The following ANKRD11 variants were observed in gnomAD, a reference collection of about 807,000 sequenced individuals.
ANKRD11 encodes ankyrin repeat domain-containing protein 11.
A neutral mutation model predicts 195.7 loss-of-function variants in ANKRD11; 17 were observed. That is an observed-to-expected ratio of 0.09 (90% CI 0.06 to 0.13). The LOEUF is 0.13. Ranked by LOEUF, ANKRD11 falls within the 10% of genes least tolerant of loss-of-function variation. ANKRD11 has a pLI of 1.00. For synonymous variants in ANKRD11, 1,953 were observed against 1,528.1 expected, an observed-to-expected ratio of 1.28 and a Z score of -6.49; for missense variants, 3,735 against 3,566.1, an observed-to-expected ratio of 1.05 and a Z score of -1.21.
intron 7 of ANKRD11, chr16:89,288,203 G>C (rs1471866204): frequency 3.3e-6 from 2 of 610,656 alleles, no homozygotes; most frequent in Non-Finnish European, 5.8e-6. Flanking sequence ...GTGGTGACGG[G>C]GACCGGCAGC....
chr16:89,335,954 G>T (rs898860294), intron 2 of ANKRD11, among the ~76,000 whole-genome samples: 2 of 152,228 alleles, frequency 1.3e-5, no homozygotes, highest in Admixed American at 6.5e-5. Context: ...ACATGACCGT[G>T]CAACATGCTT....
In ANKRD11 at chr16:89,285,510, C is replaced by T; in HGVS notation, c.1032G>A (p.Lys344=). 6.2e-7 allele frequency: 1 copy of T among 1,614,126 alleles called. No individual in the cohort carries two copies. The highest frequency in any genetic ancestry group is 8.5e-7 in the Non-Finnish European group (1 of 1,179,990). ...CGTCCTCATCAAACTCATACTCGTC[C>T]TTGACGGGGGCCGTGGCCTTCTGTG... ...PEPQKATAPV[K]DEYEFDEDDE... Residue 344 remains lysine, a synonymous_variant, in exon 9 of 13, where the codon AAG becomes AAA. Coordinates refer to ENST00000301030, the MANE Select transcript of ANKRD11 (RefSeq NM_013275.6). This position sits in a 1 kb window ranked among gnomAD's most constrained non-coding sequence, Gnocchi z 5.6.
Position 89,305,187 on chromosome 16 carries a change from A to AG in ANKRD11, c.226+18dup. The AG allele has an allele frequency of 6.2e-7, 1 of 1,608,878 alleles. No homozygotes were observed. The highest frequency in any genetic ancestry group is 1.3e-5 in the African/African-American group (1 of 74,950). ...CTGCCTGTGGAGGGCTGACTGCAGGAGGGGCCGCGGGCTGGTACCTGTGTC... is the reference window on the plus strand; with the variant it reads ...CTGCCTGTGGAGGGCTGACTGCAGGAGGGGGCCGCGGGCTGGTACCTGTGTC... On this transcript the variant is annotated intron_variant, in intron 4 of 12. Coordinates refer to ENST00000301030, the MANE Select transcript of ANKRD11 (RefSeq NM_013275.6).
At chr16:89,359,680 C>T (rs2039644350) in intron 2 of ANKRD11, among the ~76,000 whole-genome samples, 1 of 152,222 alleles carries the variant, frequency 6.6e-6, no homozygotes, top group African/African-American at 2.4e-5. Flanking sequence ...CCTCTCCACA[C>T]TGAAGCAGGA....
chr16:89,274,586 C>A, intron 11 of ANKRD11: 1 of 634,328 alleles, frequency 1.6e-6, no homozygotes, highest in African/African-American at 1.8e-5. Flanking sequence ...AGCCCAGTGG[C>A]CTGAGGGCCT....
At chr16:89,481,839 G>A (rs540292079) in intron 1 of ANKRD11, among the ~76,000 whole-genome samples, 2 of 151,780 alleles carry the variant, frequency 1.3e-5, no homozygotes, top group African/African-American at 2.4e-5. Context: ...CAGCCTTCCC[G>A]AAGTCGAAGA....
chr16:89,396,763 T>C (rs1433744822), intron 2 of ANKRD11, among the ~76,000 whole-genome samples: 1 of 152,232 alleles, frequency 6.6e-6, no homozygotes, highest in Non-Finnish European at 1.5e-5. Context: ...CTTGGCTCAC[T>C]GCAACCTCCG....
At chr16:89,366,918 G>A (rs2152070695) in intron 2 of ANKRD11, among the ~76,000 whole-genome samples, 1 of 152,322 alleles carries the variant, frequency 6.6e-6, no homozygotes, top group South Asian at 2.1e-4. Flanking sequence ...TTAAGAATGT[G>A]AAGACCATCC....
intron 1 of ANKRD11, among the ~76,000 whole-genome samples, chr16:89,430,547 T>A (rs2042934025): frequency 6.6e-6 from 1 of 151,966 alleles, no homozygotes; most frequent in African/African-American, 2.4e-5. Flanking sequence ...GACGTTCTAG[T>A]ACACAGCAGG....
rs1597439854 is a variant in ANKRD11, at chr16:89,447,896, CCAGGTT to C, written c.-144-29534_-144-29529del. Among the ~76,000 whole-genome samples the C allele has an allele frequency of 2.0e-5, 3 of 151,768 alleles. No homozygotes were observed. The East Asian group carries it at 5.8e-4, about 29-fold the overall frequency. On this transcript the variant is annotated intron_variant, in intron 1 of 12. Transcript: ENST00000301030. ...CTCAGCTCACTGCAACCTCCACTTC[CCAGGTT>C]CAAGCAATTGTCCTGTCTCAGCCTC...
intron 2 of ANKRD11, among the ~76,000 whole-genome samples, chr16:89,417,154 G>C (rs1597342714): frequency 6.6e-6 from 1 of 152,178 alleles, no homozygotes; most frequent in Non-Finnish European, 1.5e-5. Flanking sequence ...TCATATGAAA[G>C]AAAGCAGTCA....
intron 3 of ANKRD11, among the ~76,000 whole-genome samples, chr16:89,307,181 G>A (rs555650028): frequency 6.6e-6 from 1 of 152,310 alleles, no homozygotes; most frequent in South Asian, 2.1e-4. Flanking sequence ...GGCAAATACC[G>A]TGCAGTGGTC....
intron 2 of ANKRD11, among the ~76,000 whole-genome samples, chr16:89,345,310 G>A (rs1276037717): frequency 8.0e-6 from 1 of 124,838 alleles, no homozygotes; most frequent in East Asian, 2.6e-4. Flanking sequence ...CGGATGGAAA[G>A]CACTCGACCC....
At chr16:89,468,575 C>T (rs536818093) in intron 1 of ANKRD11, among the ~76,000 whole-genome samples, 8 of 152,226 alleles carry the variant, frequency 5.3e-5, no homozygotes, top group African/African-American at 1.7e-4. Flanking sequence ...CGCGGTGGCA[C>T]AGGCCTGTAA....
At chr16:89,278,608 C>G (rs570126494) in intron 9 of ANKRD11, 1 of 458,454 alleles carries the variant, frequency 2.2e-6, no homozygotes, top group Non-Finnish European at 4.4e-6. Flanking sequence ...GTCCCAGAAG[C>G]CCAAGGGAGG....
chr16:89,304,150 G>A (rs192171703), intron 4 of ANKRD11, among the ~76,000 whole-genome samples: 63 of 152,342 alleles, frequency 4.1e-4, no homozygotes, highest in Admixed American at 2.0e-3. Context: ...AGCACGGCCA[G>A]CGCAGAGGCC....
At chr16:89,374,076 G>A (rs979550879) in intron 2 of ANKRD11, among the ~76,000 whole-genome samples, 5 of 152,200 alleles carry the variant, frequency 3.3e-5, no homozygotes, top group Admixed American at 2.0e-4. Context: ...CCGCAGAGAG[G>A]GGTGTTAACC....
chr16:89,310,644 T>C (rs903946732), intron 3 of ANKRD11, among the ~76,000 whole-genome samples: 5 of 152,216 alleles, frequency 3.3e-5, no homozygotes, highest in Non-Finnish European at 5.9e-5. Context: ...GCTTTCAGGG[T>C]ACAGGTTTTG....
chr16:89,430,502 T>C (rs1241831422), intron 1 of ANKRD11, among the ~76,000 whole-genome samples: 15 of 151,644 alleles, frequency 9.9e-5, no homozygotes, highest in Non-Finnish European at 1.5e-5. Flanking sequence ...TCAGTCGTTC[T>C]AGTACACAGC....
Sources: gnomAD v4.1 joint callset for allele counts (sites outside exome capture counted in the v4.1 genomes callset) on GRCh38, gnomAD v4.1.1 for gene constraint, Gnocchi (gnomAD v3.1) non-coding constraint, MANE v1.5 for transcripts, NCBI Gene and HGNC (gene_info 2026-07-23, HGNC 2026-07-21) for gene names.